The following SASH1 variants were observed in gnomAD, a reference collection of about 807,000 sequenced individuals.
SASH1 encodes the protein SAM and SH3 domain containing 1.
SASH1 carries 44 observed loss-of-function variants against 125.2 expected under a neutral mutation model. That is an observed-to-expected ratio of 0.35 (90% CI 0.28 to 0.45). SASH1 has a LOEUF of 0.45. SASH1 is among the 20% of genes least tolerant of loss of function. The probability of loss-of-function intolerance (pLI) is 1.00; values close to 1 mark genes in which losing one functional copy is unlikely to be tolerated. For missense variants in SASH1, 1,426 were observed against 1,614.5 expected (o/e 0.88, Z 2.00); for synonymous variants, 639 against 649.1 (o/e 0.98, Z 0.24).
At chr6:148,259,112 G>T in the SASH1 span, among the ~76,000 whole-genome samples, 1 of 152,204 alleles carries the variant, frequency 6.6e-6, no homozygotes, top group Admixed American at 6.5e-5. Context: ...GGTACTCAAA[G>T]ATCGTTGTCT....
intron 4 of SASH1, among the ~76,000 whole-genome samples, chr6:148,458,576 A>C (rs933507016): frequency 6.6e-6 from 1 of 152,184 alleles, no homozygotes; most frequent in Non-Finnish European, 1.5e-5. Flanking sequence ...AGTGGCATAG[A>C]GCTTTATTAT....
intron 11 of SASH1, chr6:148,527,140 AT>A: frequency 4.9e-6 from 1 of 204,928 alleles, no homozygotes; most frequent in Non-Finnish European, 9.6e-6. Context: ...CCAAAGGTAA[AT>A]CACTCTTTAC....
At chr6:148,301,274 C>T (rs565468971) in intron 1 of SASH1, among the ~76,000 whole-genome samples, 5 of 146,524 alleles carry the variant, frequency 3.4e-5, no homozygotes, top group African/African-American at 1.0e-4. Context: ...TGCAGTGAGC[C>T]GAGATCGTGC....
intron 1 of SASH1, among the ~76,000 whole-genome samples, chr6:148,372,434 A>G (rs1782736474): frequency 6.6e-6 from 1 of 152,202 alleles, no homozygotes; most frequent in Non-Finnish European, 1.5e-5. Flanking sequence ...TTGAAATCAT[A>G]CAAAGAGAAC....
intron 8 of SASH1, among the ~76,000 whole-genome samples, chr6:148,511,424 C>T (rs1057048482): frequency 6.6e-6 from 1 of 151,362 alleles, no homozygotes; most frequent in Non-Finnish European, 1.5e-5. Flanking sequence ...TAAATTGTGC[C>T]GCATCTATCT....
chr6:148,483,713 T>G (rs937976988), intron 7 of SASH1, among the ~76,000 whole-genome samples: 1 of 152,170 alleles, frequency 6.6e-6, no homozygotes, highest in Non-Finnish European at 1.5e-5. Flanking sequence ...CTTCTTTTAG[T>G]CATGTTCTCT....
chr6:148,306,423 C>T (rs1163795198), intron 1 of SASH1, among the ~76,000 whole-genome samples: 2 of 152,150 alleles, frequency 1.3e-5, no homozygotes, highest in African/African-American at 2.4e-5. Flanking sequence ...TCAGCTGGGT[C>T]CCAGGGAAAC....
chr6:148,387,616 CTTTCTTTCTT>C (rs1783480434), intron 1 of SASH1, among the ~76,000 whole-genome samples: 1 of 21,002 alleles, frequency 4.8e-5, no homozygotes, highest in Non-Finnish European at 9.7e-5. Context: ...TTCTTTCTTT[CTTTCTTTCTT>C]TCTTTCTTTC....
intron 1 of SASH1, among the ~76,000 whole-genome samples, chr6:148,290,873 C>A (rs1333311087): frequency 1.4e-4 from 5 of 36,912 alleles, no homozygotes; most frequent in East Asian, 6.0e-4. Flanking sequence ...TCAATAAATA[C>A]TAAAAAAAAG....
At chr6:148,255,910 G>A in the SASH1 span, among the ~76,000 whole-genome samples, 1 of 152,110 alleles carries the variant, frequency 6.6e-6, no homozygotes, top group East Asian at 1.9e-4. Context: ...CCAAAGTGCT[G>A]GGATTACAAG....
Position 148,345,616 on chromosome 6 carries a change from A to G in SASH1, c.156+2393A>G, listed in dbSNP as rs181554295. 4.5e-4 allele frequency among the ~76,000 whole-genome samples: 68 copies of G among 152,342 alleles called. 1 individual carries two copies. The highest frequency in any genetic ancestry group is 1.4e-3 in the African/African-American group (58 of 41,580). On this transcript the variant is annotated intron_variant, in intron 1 of 19. Coordinates refer to ENST00000367467, the MANE Select transcript of SASH1 (RefSeq NM_015278.5). ...TAAAAGGGAGGGAAAGCTGTCATCCAAGTGTTTATACAAACTGAGTCTTCG... is the reference window on the plus strand; with the variant it reads ...TAAAAGGGAGGGAAAGCTGTCATCCGAGTGTTTATACAAACTGAGTCTTCG...
At chr6:148,484,178 G>A (rs1363407437) in intron 7 of SASH1, among the ~76,000 whole-genome samples, 1 of 152,096 alleles carries the variant, frequency 6.6e-6, no homozygotes, top group Non-Finnish European at 1.5e-5. Context: ...GTAGAAATTG[G>A]AACATTATGA....
At chr6:148,469,672 A>G (rs1778008914) in intron 5 of SASH1, among the ~76,000 whole-genome samples, 1 of 152,164 alleles carries the variant, frequency 6.6e-6, no homozygotes. Context: ...GTTTGAGGCT[A>G]CAGTGAGCTG....
In SASH1 at chr6:148,533,060, A is replaced by G. The variant is rs2115409083; in HGVS notation, c.1734+94A>G. 5 of 1,371,646 alleles carry G rather than the reference A, an allele frequency of 3.6e-6. No individual in the cohort carries two copies. The highest frequency in any genetic ancestry group is 2.3e-5 in the East Asian group (1 of 43,538). 85.0% of individuals were successfully genotyped at this position (1,371,646 alleles called of 1,614,324 possible). On this transcript the variant is annotated intron_variant, in intron 14 of 19. Transcript: ENST00000367467. The surrounding 1 kb of genome is among the most constrained non-coding windows in gnomAD (Gnocchi z 6.2). ...CCTCACTGTTGAATGCTGGGCTACTATGGTACAGACTGGACAGTATCTTGG... is the reference window on the plus strand; with the variant it reads ...CCTCACTGTTGAATGCTGGGCTACTGTGGTACAGACTGGACAGTATCTTGG...
chr6:148,419,016 C>T (rs1288284725), intron 2 of SASH1, among the ~76,000 whole-genome samples: 1 of 152,144 alleles, frequency 6.6e-6, no homozygotes, highest in Non-Finnish European at 1.5e-5. Flanking sequence ...ATATTGCTCC[C>T]AACTTTATAA....
rs562273873 is a variant in SASH1, at chr6:148,366,890, C to G, written c.157-23244C>G. Among the ~76,000 whole-genome samples the G allele has an allele frequency of 1.5e-4, 23 of 150,834 alleles. No individual in the cohort carries two copies. In the South Asian group the frequency reaches 4.2e-3, roughly 28 times the overall value. Reference sequence around the variant, plus strand: ...GATTACAGGCATAAGCCAAGGATTCCATTTGGATACGCTTCTGCAAGTAAT... The same window carrying G: ...GATTACAGGCATAAGCCAAGGATTCGATTTGGATACGCTTCTGCAAGTAAT... On this transcript the variant is annotated intron_variant, in intron 1 of 19. Transcript: ENST00000367467.
At chr6:148,302,477 T>A (rs1039782898) in intron 1 of SASH1, among the ~76,000 whole-genome samples, 10 of 151,888 alleles carry the variant, frequency 6.6e-5, no homozygotes, top group Non-Finnish European at 1.3e-4. Context: ...TTTGCCATGA[T>A]ACTTGTGTTA....
chr6:148,490,063 AAATAATAAT>A (rs60004034), intron 8 of SASH1, among the ~76,000 whole-genome samples: 1 of 132,704 alleles, frequency 7.5e-6, no homozygotes, highest in Non-Finnish European at 1.7e-5. Context: ...CTTCTGCAAA[AAATAATAAT>A]AATAATAATA....
the SASH1 span, among the ~76,000 whole-genome samples, chr6:148,203,814 A>C: frequency 6.6e-6 from 1 of 152,204 alleles, no homozygotes; most frequent in Non-Finnish European, 1.5e-5. Context: ...AGTCCCTTCC[A>C]TTAATCCATT....
Sources: gnomAD v4.1 joint callset for allele counts (sites outside exome capture counted in the v4.1 genomes callset) on GRCh38, gnomAD v4.1.1 for gene constraint, Gnocchi (gnomAD v3.1) non-coding constraint, MANE v1.5 for transcripts, NCBI Gene and HGNC (gene_info 2026-07-23, HGNC 2026-07-21) for gene names.